Variants in LAMA2 observed in about 807,000 individuals in gnomAD.
LAMA2 encodes laminin subunit alpha-2.
In LAMA2, 269 loss-of-function variants were observed where a neutral mutation model predicts 364.8. The observed-to-expected ratio is 0.74, with a 90% CI of 0.67 to 0.82. The LOEUF is 0.82. Among genes scored for constraint, LAMA2 ranks in the 40% least tolerant of loss-of-function variants. The probability of loss-of-function intolerance (pLI) is 0.00; values close to 1 mark genes in which losing one functional copy is unlikely to be tolerated. For missense variants in LAMA2, 3,807 were observed against 3,873.2 expected (o/e 0.98, Z 0.45); for synonymous variants, 1,379 against 1,370.6 (o/e 1.01, Z -0.14).
At chr6:128,917,893 C>A (rs779451043) in intron 1 of LAMA2, among the ~76,000 whole-genome samples, 1 of 151,764 alleles carries the variant, frequency 6.6e-6, no homozygotes, top group Non-Finnish European at 1.5e-5. Flanking sequence ...GCCACCCCAC[C>A]TGGCTAATTT....
chr6:128,899,268 A>G (rs1273886664), intron 1 of LAMA2, among the ~76,000 whole-genome samples: 1 of 152,150 alleles, frequency 6.6e-6, no homozygotes, highest in Non-Finnish European at 1.5e-5. Context: ...GGATTCCTGT[A>G]TGTAGTGAAT....
At chr6:128,982,270 A>G (rs1562892319) in intron 1 of LAMA2, among the ~76,000 whole-genome samples, 1 of 152,198 alleles carries the variant, frequency 6.6e-6, no homozygotes, top group South Asian at 2.1e-4. Flanking sequence ...GCAAACACCA[A>G]CACAGGTTTG....
intron 9 of LAMA2, among the ~76,000 whole-genome samples, chr6:129,174,045 T>C (rs537772989): frequency 2.6e-5 from 4 of 152,172 alleles, no homozygotes; most frequent in Admixed American, 2.0e-4. Context: ...CTTCAAAAAT[T>C]TTATGTAATC....
At chr6:128,924,633 A>T (rs1351311443) in intron 1 of LAMA2, among the ~76,000 whole-genome samples, 3 of 152,156 alleles carry the variant, frequency 2.0e-5, no homozygotes, top group Non-Finnish European at 4.4e-5. Context: ...CCCCTCTTAG[A>T]TATTAATAAA....
At chr6:129,055,879 T>C (rs1788448166) in intron 2 of LAMA2, among the ~76,000 whole-genome samples, 2 of 152,244 alleles carry the variant, frequency 1.3e-5, no homozygotes, top group Non-Finnish European at 2.9e-5. Context: ...CGTTTCTATC[T>C]CCTTTTAAAT....
At chr6:129,207,517 CTTT>C (rs1257048720) in intron 12 of LAMA2, among the ~76,000 whole-genome samples, 1 of 152,026 alleles carries the variant, frequency 6.6e-6, no homozygotes, top group Non-Finnish European at 1.5e-5. Flanking sequence ...CTTAGAGATT[CTTT>C]TTTCTTTGTA....
intron 1 of LAMA2, among the ~76,000 whole-genome samples, chr6:128,886,474 G>A (rs892491812): frequency 6.6e-6 from 1 of 152,164 alleles, no homozygotes; most frequent in African/African-American, 2.4e-5. Context: ...ACTCATAGAA[G>A]CACATAGGTC....
At chr6:129,129,353 G>A (rs1335539512) in intron 4 of LAMA2, among the ~76,000 whole-genome samples, 3 of 152,146 alleles carry the variant, frequency 2.0e-5, no homozygotes, top group Non-Finnish European at 4.4e-5. Flanking sequence ...ATTAACTAAT[G>A]TGTTAACCTA....
intron 40 of LAMA2, among the ~76,000 whole-genome samples, chr6:129,414,632 A>T (rs1465959982): frequency 6.6e-6 from 1 of 152,186 alleles, no homozygotes; most frequent in African/African-American, 2.4e-5. Flanking sequence ...CTAAAATAAT[A>T]AAGAAAATAG....
intron 28 of LAMA2, among the ~76,000 whole-genome samples, chr6:129,326,151 C>A (rs1010902156): frequency 6.6e-6 from 1 of 152,140 alleles, no homozygotes; most frequent in Non-Finnish European, 1.5e-5. Flanking sequence ...TTTCCATGTG[C>A]CCTTTTAAAT....
chr6:128,910,783 C>G (rs1434615149), intron 1 of LAMA2, among the ~76,000 whole-genome samples: 2 of 150,438 alleles, frequency 1.3e-5, no homozygotes, highest in Admixed American at 6.6e-5. Context: ...TACTTTTGGT[C>G]TTTGATGATG....
chr6:129,201,321 T>A (rs1001704106), intron 12 of LAMA2, among the ~76,000 whole-genome samples: 5 of 152,048 alleles, frequency 3.3e-5, no homozygotes, highest in Non-Finnish European at 5.9e-5. Flanking sequence ...TGAGGCAGCA[T>A]ACAAGGGAAG....
intron 22 of LAMA2, among the ~76,000 whole-genome samples, chr6:129,303,278 A>G (rs1479140016): frequency 1.3e-5 from 2 of 152,192 alleles, no homozygotes; most frequent in African/African-American, 4.8e-5. Context: ...AATTATTTTT[A>G]TACCTTATCC....
intron 1 of LAMA2, among the ~76,000 whole-genome samples, chr6:128,952,181 AAAAC>A (rs1780866659): frequency 6.6e-6 from 1 of 152,162 alleles, no homozygotes; most frequent in South Asian, 2.1e-4. Context: ...AAAGAAAACA[AAAAC>A]AAACCATTTC....
At chr6:129,140,711 A>G (rs955029604) in intron 4 of LAMA2, among the ~76,000 whole-genome samples, 1 of 152,070 alleles carries the variant, frequency 6.6e-6, no homozygotes, top group African/African-American at 2.4e-5. Context: ...ATCCTATCCA[A>G]CATTATGATT....
At chr6:129,499,563 C>CCAT in intron 58 of LAMA2, among the ~76,000 whole-genome samples, 1 of 152,264 alleles carries the variant, frequency 6.6e-6, no homozygotes, top group African/African-American at 2.4e-5. Flanking sequence ...AGTTTCTATT[C>CCAT]CATCTCACTT....
chr6:128,946,379 G>T (rs1258366907), intron 1 of LAMA2, among the ~76,000 whole-genome samples: 1 of 152,158 alleles, frequency 6.6e-6, no homozygotes, highest in African/African-American at 2.4e-5. Context: ...GTACACTGTG[G>T]AATATTGTTG....
intron 14 of LAMA2, among the ~76,000 whole-genome samples, chr6:129,255,686 G>C (rs1222969163): frequency 6.6e-6 from 1 of 151,826 alleles, no homozygotes; most frequent in African/African-American, 2.4e-5. Flanking sequence ...TGCGGTTTGG[G>C]ATCAAAAAAG....
In LAMA2 at chr6:129,004,406, TA is replaced by T. The variant is rs61244248; in HGVS notation, c.113-45488del. On this transcript the variant is annotated intron_variant, in intron 1 of 64. Coordinates refer to ENST00000421865, the MANE Select transcript of LAMA2 (RefSeq NM_000426.4). Reference sequence around the variant, plus strand: ...TACCCTAAAACTTAGAGTATAATAATAAAAAAAAAAAAAAAAAAAAAAAAGA... The same window carrying T: ...TACCCTAAAACTTAGAGTATAATAATAAAAAAAAAAAAAAAAAAAAAAAGA... Among the ~76,000 whole-genome samples the T allele has an allele frequency of 3.9e-3, 209 of 53,744 alleles. 10 individuals are homozygous for T. Among genetic ancestry groups the T allele is most frequent in the African/African-American group, 0.016 (112 of 7,050 alleles). The allele number at this position is 53,744 out of a possible 152,430, so 35.3% of individuals were successfully genotyped here.
Sources: gnomAD v4.1 joint callset for allele counts (sites outside exome capture counted in the v4.1 genomes callset) on GRCh38, gnomAD v4.1.1 for gene constraint, MANE v1.5 for transcripts, NCBI Gene and HGNC (gene_info 2026-07-23, HGNC 2026-07-21) for gene names.